Variants in RBBP8 observed in about 807,000 individuals in gnomAD.
RBBP8 encodes RB binding protein 8, endonuclease, also known as DNA endonuclease RBBP8.
Under a neutral mutation model 108.3 loss-of-function variants are expected in RBBP8, and 88 were observed. The ratio of observed to expected loss-of-function variants is 0.81; its 90% confidence interval spans 0.68 to 0.97. The LOEUF (loss-of-function observed/expected upper bound fraction) is 0.97. Ranked by LOEUF, RBBP8 falls within the 50% of genes least tolerant of loss-of-function variation. RBBP8 has a pLI of 0.00. For missense variants in RBBP8, 1,023 were observed against 1,049.0 expected (o/e 0.98, Z 0.34); for synonymous variants, 332 against 348.2 (o/e 0.95, Z 0.52).
chr18:23,007,134 C>T (rs992072959), intron 16 of RBBP8, among the ~76,000 whole-genome samples: 1 of 151,190 alleles, frequency 6.6e-6, no homozygotes, highest in African/African-American at 2.4e-5. Context: ...TATTCTCCTG[C>T]CCCCGCCTCC....
intron 6 of RBBP8, among the ~76,000 whole-genome samples, chr18:22,978,638 A>C (rs1302573904): frequency 6.6e-6 from 1 of 152,106 alleles, no homozygotes; most frequent in African/African-American, 2.4e-5. Context: ...GCAGGCTGTG[A>C]CGTGATTAGT....
At chr18:22,921,970 C>G (rs1909613629) in intron 3 of RBBP8, among the ~76,000 whole-genome samples, 1 of 152,152 alleles carries the variant, frequency 6.6e-6, no homozygotes, top group African/African-American at 2.4e-5. Context: ...CTTTTCATTA[C>G]AGTGAAACAC....
intron 18 of RBBP8, among the ~76,000 whole-genome samples, chr18:23,023,920 T>C (rs907933970): frequency 2.4e-5 from 3 of 123,788 alleles, no homozygotes; most frequent in East Asian, 5.3e-4. Context: ...AGGCCCAGGC[T>C]GGAGTGCAAA....
At chr18:22,962,436 A>G (rs533248279) in intron 4 of RBBP8, among the ~76,000 whole-genome samples, 1 of 152,272 alleles carries the variant, frequency 6.6e-6, no homozygotes, top group Non-Finnish European at 1.5e-5. Context: ...TTAACTTCAC[A>G]GTGAAGTTTT....
intron 4 of RBBP8, among the ~76,000 whole-genome samples, chr18:22,964,219 CTATTCTGA>C (rs1913362102): frequency 6.6e-6 from 1 of 152,008 alleles, no homozygotes; most frequent in Non-Finnish European, 1.5e-5. Flanking sequence ...CCTCCCATCT[CTATTCTGA>C]TTTTTTATCT....
upstream of RBBP8, among the ~76,000 whole-genome samples, chr18:22,931,181 T>C (rs528537999): frequency 6.6e-6 from 1 of 152,200 alleles, no homozygotes; most frequent in Admixed American, 6.5e-5. Context: ...GAAGAGACTA[T>C]TGAAATAAGA....
chr18:23,013,697 C>T (rs961983354), intron 16 of RBBP8, among the ~76,000 whole-genome samples: 11 of 152,178 alleles, frequency 7.2e-5, no homozygotes, highest in African/African-American at 2.4e-4. Flanking sequence ...TTTAAAATAA[C>T]CTCGTGGCTA....
chr18:22,999,563 C>T (rs1373529248), intron 14 of RBBP8, among the ~76,000 whole-genome samples: 1 of 151,864 alleles, frequency 6.6e-6, no homozygotes, highest in Non-Finnish European at 1.5e-5. Context: ...ATGAACAGGC[C>T]CTCAGTGACA....
intron 17 of RBBP8, among the ~76,000 whole-genome samples, chr18:23,019,417 C>A (rs1310628691): frequency 1.3e-5 from 2 of 152,146 alleles, no homozygotes; most frequent in Non-Finnish European, 2.9e-5. Context: ...AGTGGAAGTG[C>A]CAGTCCCATG....
At chr18:23,014,765 C>T (rs1389192213) in intron 16 of RBBP8, among the ~76,000 whole-genome samples, 1 of 152,216 alleles carries the variant, frequency 6.6e-6, no homozygotes, top group Non-Finnish European at 1.5e-5. Flanking sequence ...CCGTGATTCA[C>T]AGTAGGATCT....
At chr18:22,968,063 T>C (rs1339826982) in intron 4 of RBBP8, among the ~76,000 whole-genome samples, 1 of 151,712 alleles carries the variant, frequency 6.6e-6, no homozygotes, top group East Asian at 1.9e-4. Flanking sequence ...TTCAACAATA[T>C]TGACAAAAAA....
upstream of RBBP8, among the ~76,000 whole-genome samples, chr18:22,931,800 T>A (rs577873376): frequency 2.5e-3 from 378 of 152,302 alleles, 1 homozygote; most frequent in Non-Finnish European, 4.1e-3. Flanking sequence ...CTTCAGAGCC[T>A]GTAACTTCAT....
upstream of RBBP8, among the ~76,000 whole-genome samples, chr18:22,932,766 TA>T (rs948159170): frequency 6.6e-6 from 1 of 152,110 alleles, no homozygotes; most frequent in Admixed American, 6.6e-5. Flanking sequence ...ATGGACTTTT[TA>T]AAAAAAATTA....
At position 22,997,725 on chromosome 18, in the gene RBBP8, A is replaced by G; in HGVS notation, c.2134A>G (p.Lys712Glu). ...KMKKQEQKGE[K>E]SSNEERKMND... The stretch of plus-strand genomic sequence containing the variant: ...GAAGAAGCAAGAGCAGAAGGGAGAA[A>G]AAAGTTCAAGTAAGATCTGTTTTTG... The change falls in exon 14 of 19, where the codon AAA becomes GAA. Residue 712 changes from lysine (K) to glutamate (E), a missense_variant. Lys to Glu is a moderately conservative substitution (Grantham distance 56). Transcript: ENST00000327155. The G allele has an allele frequency of 6.3e-7, 1 of 1,587,292 alleles. No individual in the cohort carries two copies. The highest frequency in any genetic ancestry group is 1.1e-5 in the South Asian group (1 of 88,668).
At chr18:22,976,025 C>T (rs957665212) in intron 6 of RBBP8, among the ~76,000 whole-genome samples, 2 of 152,036 alleles carry the variant, frequency 1.3e-5, no homozygotes, top group Admixed American at 6.6e-5. Context: ...ATCCTAATGG[C>T]GTTATAGCGT....
intron 2 of RBBP8, among the ~76,000 whole-genome samples, chr18:22,944,701 A>C (rs890865137): frequency 1.3e-5 from 2 of 152,216 alleles, no homozygotes; most frequent in Admixed American, 6.5e-5. Context: ...AAAATGTGTC[A>C]TATCAGTTGG....
intron 7 of RBBP8, among the ~76,000 whole-genome samples, chr18:22,983,964 C>G (rs530766553): frequency 7.9e-5 from 12 of 152,108 alleles, no homozygotes; most frequent in Non-Finnish European, 1.6e-4. Context: ...GCGTGCAGTC[C>G]CAGCTACTCG....
intron 12 of RBBP8, among the ~76,000 whole-genome samples, chr18:22,996,133 A>C (rs2045853133): frequency 6.6e-6 from 1 of 152,032 alleles, no homozygotes; most frequent in Non-Finnish European, 1.5e-5. Context: ...TTTCATGTTT[A>C]TTGGCAATTT....
At chr18:23,020,604 AT>A (rs1288990612) in intron 17 of RBBP8, among the ~76,000 whole-genome samples, 2 of 151,256 alleles carry the variant, frequency 1.3e-5, no homozygotes, top group African/African-American at 2.4e-5. Flanking sequence ...TTTTTTTTAA[AT>A]AATCTTTTTA....
Sources: gnomAD v4.1 joint callset for allele counts (sites outside exome capture counted in the v4.1 genomes callset) on GRCh38, gnomAD v4.1.1 for gene constraint, MANE v1.5 for transcripts, NCBI Gene and HGNC (gene_info 2026-07-23, HGNC 2026-07-21) for gene names.